Variants in DISP1 observed in about 807,000 individuals in gnomAD.
DISP1 encodes dispatched RND transporter family member 1, also known as protein dispatched homolog 1.
In DISP1, 30 loss-of-function variants were observed where a neutral mutation model predicts 37.3. That is an observed-to-expected ratio of 0.80 (90% CI 0.60 to 1.09). DISP1 has a LOEUF of 1.09. DISP1 is among the 50% of genes least tolerant of loss of function. DISP1 has a pLI of 0.00. For missense variants in DISP1, 1,598 were observed against 1,879.5 expected (o/e 0.85, Z 2.77); for synonymous variants, 634 against 690.2 (o/e 0.92, Z 1.28).
intron 1 of DISP1, among the ~76,000 whole-genome samples, chr1:222,900,771 T>C (rs559844155): frequency 5.9e-4 from 90 of 152,326 alleles, no homozygotes; most frequent in African/African-American, 2.1e-3. Flanking sequence ...CAGTATGATC[T>C]CCATAAAGTT....
chr1:222,838,034 A>G (rs1667351983), intron 1 of DISP1, among the ~76,000 whole-genome samples: 1 of 152,158 alleles, frequency 6.6e-6, no homozygotes, highest in Non-Finnish European at 1.5e-5. Flanking sequence ...TTATTTCTCA[A>G]TAGTAATTAT....
At chr1:222,981,689 A>T (rs1677850711) in intron 3 of DISP1, among the ~76,000 whole-genome samples, 2 of 152,230 alleles carry the variant, frequency 1.3e-5, no homozygotes, top group Non-Finnish European at 2.9e-5. Flanking sequence ...GATCTTCAAG[A>T]AATTCCAAGG....
At chr1:222,840,720 A>C (rs1667555388) in intron 1 of DISP1, among the ~76,000 whole-genome samples, 1 of 147,848 alleles carries the variant, frequency 6.8e-6, no homozygotes, top group South Asian at 2.2e-4. Flanking sequence ...CCGCCACCAC[A>C]CCCGGCTAAT....
rs1018306107 is a variant in DISP1, at chr1:223,003,119, T to A, written c.1722T>A (p.Ala574=). Reference sequence around the variant, plus strand: ...TGGTTGGAATTGGAGCAGATGATGCTTTTGTCCTGTGTGATGTTTGGAACT... The same window carrying A: ...TGGTTGGAATTGGAGCAGATGATGCATTTGTCCTGTGTGATGTTTGGAACT... The part of the protein sequence containing the change: ...IILVGIGADD[A]FVLCDVWNYT... The change falls in exon 9 of 9, where the codon GCT becomes GCA. Residue 574 remains alanine, a synonymous_variant. Coordinates refer to ENST00000675850, the MANE Select transcript of DISP1 (RefSeq NM_001377229.1). This position sits in a 1 kb window ranked among gnomAD's most constrained non-coding sequence, Gnocchi z 4.3. 2 of 1,614,098 alleles carry A rather than the reference T, an allele frequency of 1.2e-6. No individual in the cohort carries two copies. The highest frequency in any genetic ancestry group is 2.7e-5 in the African/African-American group (2 of 74,930).
intron 1 of DISP1, among the ~76,000 whole-genome samples, chr1:222,848,342 C>T (rs565534246): frequency 2.6e-5 from 4 of 151,944 alleles, no homozygotes; most frequent in Admixed American, 6.6e-5. Flanking sequence ...ATGGTCAACA[C>T]GTATTAGCGA....
At chr1:222,829,784 A>G (rs1001329711) in intron 1 of DISP1, among the ~76,000 whole-genome samples, 2 of 152,148 alleles carry the variant, frequency 1.3e-5, no homozygotes, top group African/African-American at 4.8e-5. Context: ...TCTATATTCT[A>G]TATTTTTTCA....
intron 1 of DISP1, among the ~76,000 whole-genome samples, chr1:222,857,397 TC>T (rs1668615475): frequency 6.6e-6 from 1 of 152,100 alleles, no homozygotes; most frequent in Admixed American, 6.6e-5. Flanking sequence ...CTCTCACCAC[TC>T]CTATTCAACA....
intron 1 of DISP1, among the ~76,000 whole-genome samples, chr1:222,870,905 A>G (rs543699850): frequency 9.9e-5 from 15 of 152,276 alleles, no homozygotes; most frequent in South Asian, 2.1e-4. Flanking sequence ...GTTTTCTTCT[A>G]GGGTTTTTAT....
intron 1 of DISP1, among the ~76,000 whole-genome samples, chr1:222,897,810 CT>C (rs1671351816): frequency 6.6e-6 from 1 of 152,086 alleles, no homozygotes; most frequent in Non-Finnish European, 1.5e-5. Context: ...ATTATATTTA[CT>C]TTTCTGTATG....
chr1:222,975,516 C>G (rs1677249456), intron 3 of DISP1, among the ~76,000 whole-genome samples: 1 of 152,144 alleles, frequency 6.6e-6, no homozygotes, highest in Non-Finnish European at 1.5e-5. Context: ...GGAGCTTTTC[C>G]ACATTTTTTC....
At chr1:222,906,331 GTTTGAACAA>G (rs917804490) in intron 1 of DISP1, among the ~76,000 whole-genome samples, 3 of 152,080 alleles carry the variant, frequency 2.0e-5, no homozygotes, top group Non-Finnish European at 4.4e-5. Flanking sequence ...ACTTTTTCTT[GTTTGAACAA>G]TTTAACTTCT....
intron 6 of DISP1, 120 bp downstream of exon 6, chr1:222,991,767 C>T (rs926481626): frequency 1.7e-6 from 2 of 1,169,444 alleles, no homozygotes; most frequent in African/African-American, 1.5e-5. Flanking sequence ...ATCTTTGCCA[C>T]TGAATTTGCT....
At chr1:222,868,201 AG>A (rs1430285038) in intron 1 of DISP1, among the ~76,000 whole-genome samples, 1 of 151,922 alleles carries the variant, frequency 6.6e-6, no homozygotes, top group African/African-American at 2.4e-5. Flanking sequence ...TGGGCAACAT[AG>A]CGAGACCCTC....
chr1:222,921,506 G>A (rs1229623266), intron 1 of DISP1, among the ~76,000 whole-genome samples: 1 of 152,070 alleles, frequency 6.6e-6, no homozygotes, highest in Non-Finnish European at 1.5e-5. Context: ...GTTAGCTTCT[G>A]GAGCAACCTC....
intron 3 of DISP1, among the ~76,000 whole-genome samples, chr1:222,945,170 G>C (rs1270559459): frequency 6.6e-6 from 1 of 152,200 alleles, no homozygotes; most frequent in South Asian, 2.1e-4. Context: ...AAAGAGTGAG[G>C]AGGGGGAAAG....
intron 4 of DISP1, among the ~76,000 whole-genome samples, chr1:222,988,784 G>A (rs1291311396): frequency 2.0e-5 from 3 of 151,672 alleles, no homozygotes; most frequent in Non-Finnish European, 2.9e-5. Flanking sequence ...CTCCCAAGTA[G>A]CTGGGACTAC....
At chr1:222,863,949 G>A (rs1441320058) in intron 1 of DISP1, among the ~76,000 whole-genome samples, 1 of 152,102 alleles carries the variant, frequency 6.6e-6, no homozygotes, top group African/African-American at 2.4e-5. Context: ...TTTCTGAGAT[G>A]CCCTGTTTCC....
In DISP1 at chr1:222,866,323, TTTGTTGTTG is replaced by T. The variant is rs34788109; in HGVS notation, c.-159+51267_-159+51275del. Among the ~76,000 whole-genome samples, 9 of 149,770 alleles carry T rather than the reference TTTGTTGTTG, an allele frequency of 6.0e-5. 1 individual carries two copies. In the East Asian group the frequency reaches 9.9e-4, roughly 16 times the overall value. On this transcript the variant is annotated intron_variant, in intron 1 of 8. Transcript: ENST00000675850. ...CAGTACATGATATTCCCGGGATAGT[TTTGTTGTTG>T]TTGTTGTTGTTGTTGTTGTTGCTGT...
chr1:222,991,391 C>A, intron 5 of DISP1, 129 bp from the exon 6 acceptor site: 1 of 1,104,502 alleles, frequency 9.1e-7, no homozygotes, highest in Non-Finnish European at 1.4e-6. Context: ...TCTGGAGTAG[C>A]TGTGAGGAAC....
Sources: gnomAD v4.1 joint callset for allele counts (sites outside exome capture counted in the v4.1 genomes callset) on GRCh38, gnomAD v4.1.1 for gene constraint, Gnocchi (gnomAD v3.1) non-coding constraint, MANE v1.5 for transcripts, NCBI Gene and HGNC (gene_info 2026-07-23, HGNC 2026-07-21) for gene names.